VPS53: variants seen among roughly 807,000 people sequenced by gnomAD.
The protein encoded by VPS53 is vacuolar protein sorting-associated protein 53 homolog.
A neutral mutation model predicts 107.0 loss-of-function variants in VPS53; 70 were observed. The ratio of observed to expected loss-of-function variants is 0.65; its 90% CI spans 0.54 to 0.80. VPS53 has a LOEUF of 0.80. VPS53 is among the 30% of genes least tolerant of loss of function. The probability of loss-of-function intolerance (pLI) is 0.00; values close to 1 mark genes in which losing one functional copy is unlikely to be tolerated. For synonymous variants in VPS53, 409 were observed against 393.3 expected, an observed-to-expected ratio of 1.04 and a Z score of -0.47; for missense variants, 917 against 1,049.4, an observed-to-expected ratio of 0.87 and a Z score of 1.74.
intron 4 of VPS53, among the ~76,000 whole-genome samples, chr17:690,615 T>C (rs1355580310): frequency 6.6e-6 from 1 of 152,222 alleles, no homozygotes; most frequent in East Asian, 1.9e-4. Flanking sequence ...GACATCTGTT[T>C]GCGACTCTTG....
chr17:627,182 A>G lies in VPS53; in HGVS notation c.966T>C (p.His322=). The G allele has an allele frequency of 6.2e-7, 1 of 1,612,574 alleles. No homozygotes were observed. The highest frequency in any genetic ancestry group is 2.2e-5 in the East Asian group (1 of 44,802). ...AGAGAACTGGCATCTACCTTGTCACATGGCAAAATTCCACCGCAATCCTCT... is the reference window on the plus strand; with the variant it reads ...AGAGAACTGGCATCTACCTTGTCACGTGGCAAAATTCCACCGCAATCCTCT... The part of the protein sequence containing the change: ...MAERIAVEFC[H]VTRAELAKIM... The change falls in exon 10 of 22, where the codon CAT becomes CAC. Residue 322 remains histidine (H), a synonymous_variant. Transcript: ENST00000437048.
chr17:659,315 G>A (rs1315469398), intron 5 of VPS53, among the ~76,000 whole-genome samples: 2 of 151,878 alleles, frequency 1.3e-5, no homozygotes, highest in African/African-American at 2.4e-5. Context: ...ATAGAGTTTC[G>A]CTCTGTCGCC....
intron 7 of VPS53, among the ~76,000 whole-genome samples, chr17:641,161 C>G (rs1187905864): frequency 6.6e-6 from 1 of 152,138 alleles, no homozygotes; most frequent in Non-Finnish European, 1.5e-5. Context: ...CAGCCTCTAC[C>G]AATAGCAGTT....
intron 2 of VPS53, among the ~76,000 whole-genome samples, chr17:705,292 A>G (rs1439690183): frequency 2.0e-5 from 3 of 152,076 alleles, no homozygotes; most frequent in Non-Finnish European, 1.5e-5. Flanking sequence ...AACCAGTTCA[A>G]AATTCTTAAC....
chr17:591,469 T>C (rs371011817), intron 12 of VPS53, among the ~76,000 whole-genome samples: 6 of 152,196 alleles, frequency 3.9e-5, no homozygotes, highest in Non-Finnish European at 4.4e-5. Context: ...AATTGTGATG[T>C]TAGGGTGTCA....
chr17:634,887 T>G (rs556641381), intron 7 of VPS53, among the ~76,000 whole-genome samples: 62 of 134,762 alleles, frequency 4.6e-4, no homozygotes, highest in African/African-American at 1.5e-3. Flanking sequence ...GCAGCATGAT[T>G]TATAATCCTT....
intron 7 of VPS53, among the ~76,000 whole-genome samples, chr17:633,152 A>C (rs991636198): frequency 2.0e-5 from 3 of 152,170 alleles, no homozygotes; most frequent in Non-Finnish European, 4.4e-5. Context: ...GCGGCTATGG[A>C]TCATACCCCA....
chr17:510,597 C>A lies in VPS53; in HGVS notation c.*8531G>T. ...CCCTCTTTGAGCCTCCAAGTCCCGT[C>A]CACTAAACGGAGCTTAACTTAGCAG... On this transcript the variant is annotated 3_prime_UTR_variant, in exon 22 of 22. Transcript: ENST00000437048. 1 of 154,244 alleles carries A rather than the reference C, an allele frequency of 6.5e-6. No homozygotes were observed. Among genetic ancestry groups the A allele is most frequent in the Non-Finnish European group, 1.4e-5 (1 of 69,364 alleles). 9.6% of individuals were successfully genotyped at this position (154,244 alleles called of 1,614,324 possible). A position where few individuals can be genotyped will look rare whatever the true frequency, so the allele number is the denominator to read the frequency against.
intron 4 of VPS53, among the ~76,000 whole-genome samples, chr17:689,168 A>C (rs1972692639): frequency 6.6e-6 from 1 of 152,158 alleles, no homozygotes; most frequent in African/African-American, 2.4e-5. Context: ...CTCCCAAGAG[A>C]GGATGAGAGA....
chr17:551,919 G>A lies in VPS53; in HGVS notation c.1819C>T (p.Gln607Ter). 1 of 1,604,862 alleles carries A rather than the reference G, an allele frequency of 6.2e-7. No homozygotes were observed. The highest frequency in any genetic ancestry group is 8.5e-7 in the Non-Finnish European group (1 of 1,175,610). The change falls in exon 17 of 22, where the codon CAG becomes TAG. Residue 607 changes from glutamine (Q) to a stop codon, truncating the protein, a stop_gained. Transcript: ENST00000437048. LOFTEE classifies it high-confidence loss of function. The stretch of plus-strand genomic sequence containing the variant: ...GGATCACAGGCAGCATCCAGATCCT[G>A]AACCAGCAGCTGAATACTGCTGGAG... ...VISSSIQLLV[Q>*]DLDAACDPAL...
At chr17:702,761 G>A (rs1468047156) in intron 2 of VPS53, among the ~76,000 whole-genome samples, 2 of 152,194 alleles carry the variant, frequency 1.3e-5, no homozygotes, top group African/African-American at 4.8e-5. Flanking sequence ...TCATTTCCAG[G>A]CTTTCTGCTG....
rs530267108 is a variant in VPS53 at position 562,228 on chromosome 17, T to C, written c.1556+275A>G. Among the ~76,000 whole-genome samples the C allele has an allele frequency of 9.9e-5, 15 of 152,264 alleles. 1 individual carries two copies. In the South Asian group the frequency reaches 2.9e-3, roughly 29 times the overall value. ...TGCCAAGTATCTATAGCTGAATCCA[T>C]GAAAATTAAATAGGCATACAATGGG... On this transcript the variant is annotated intron_variant, in intron 14 of 21. Coordinates refer to ENST00000437048, the MANE Select transcript of VPS53 (RefSeq NM_001128159.3).
Position 519,423 on chromosome 17 carries a change from G to A in VPS53, c.2329-125C>T. 9.7e-7 allele frequency: 1 copy of A among 1,026,706 alleles called. No individual in the cohort carries two copies. The highest frequency in any genetic ancestry group is 1.3e-6 in the Non-Finnish European group (1 of 741,818). 63.6% of individuals were successfully genotyped at this position (1,026,706 alleles called of 1,614,324 possible). On this transcript the variant is annotated intron_variant, in intron 21 of 21. Transcript: ENST00000437048. The surrounding 1 kb of genome is among the most constrained non-coding windows in gnomAD (Gnocchi z 5.0). ...AGACAGCATAGTTACTCCAGGCTGA[G>A]GATGAACCGTTTCCTCAAGGGACTC...
intron 7 of VPS53, among the ~76,000 whole-genome samples, chr17:641,225 C>A (rs1008947105): frequency 2.6e-5 from 4 of 152,172 alleles, no homozygotes; most frequent in African/African-American, 9.7e-5. Context: ...TTACAGACAT[C>A]ACTGATGGTA....
intron 2 of VPS53, among the ~76,000 whole-genome samples, chr17:700,550 T>G (rs1394867999): frequency 6.6e-6 from 1 of 151,924 alleles, no homozygotes; most frequent in Non-Finnish European, 1.5e-5. Flanking sequence ...AAACTCTGTC[T>G]CAAAAAAAAA....
rs1381516680 is a variant in VPS53 at position 627,712 on chromosome 17, T to C, written c.831+376A>G. Among the ~76,000 whole-genome samples, 6 of 151,934 alleles carry C rather than the reference T, an allele frequency of 3.9e-5. No individual in the cohort carries two copies. In the East Asian group the frequency reaches 7.7e-4, roughly 20 times the overall value. ...AATTGCTTGAACCCGGGAGGCAAGG[T>C]TGCAGTAAACTGAGATCGCACCACT... On this transcript the variant is annotated intron_variant, in intron 9 of 21. Transcript: ENST00000437048.
intron 11 of VPS53, among the ~76,000 whole-genome samples, chr17:617,847 G>A (rs1969223451): frequency 5.1e-5 from 3 of 59,038 alleles, no homozygotes; most frequent in Admixed American, 1.6e-4. Flanking sequence ...GACTACAGGC[G>A]TGCGCCACCA....
chr17:598,251 G>A (rs926307144), intron 12 of VPS53, among the ~76,000 whole-genome samples: 1 of 152,042 alleles, frequency 6.6e-6, no homozygotes, highest in Non-Finnish European at 1.5e-5. Context: ...ACGGAGTCTC[G>A]TTCACTCAGT....
chr17:569,370 TATAAG>T (rs1353049677), intron 13 of VPS53, among the ~76,000 whole-genome samples: 1 of 152,008 alleles, frequency 6.6e-6, no homozygotes, highest in Non-Finnish European at 1.5e-5. Flanking sequence ...GCTGTGGTTA[TATAAG>T]ATGTCAACAT....
Sources: gnomAD v4.1 joint callset for allele counts (sites outside exome capture counted in the v4.1 genomes callset) on GRCh38, gnomAD v4.1.1 for gene constraint, Gnocchi (gnomAD v3.1) non-coding constraint, MANE v1.5 for transcripts, NCBI Gene and HGNC (gene_info 2026-07-23, HGNC 2026-07-21) for gene names.